The following ABLIM2 variants were observed in gnomAD, a reference collection of about 807,000 sequenced individuals.
The protein encoded by ABLIM2 is actin-binding LIM protein 2.
Under a neutral mutation model 97.7 loss-of-function variants are expected in ABLIM2, and 53 were observed. That is an observed-to-expected ratio of 0.54 (90% CI 0.44 to 0.68). ABLIM2 has a LOEUF of 0.68. Ranked by LOEUF, ABLIM2 falls within the 30% of genes least tolerant of loss-of-function variation. The pLI, the probability that ABLIM2 is intolerant of heterozygous loss-of-function variation, is 0.00. For missense variants in ABLIM2, 835 were observed against 867.2 expected (o/e 0.96, Z 0.47); for synonymous variants, 361 against 345.8 (o/e 1.04, Z -0.49).
Position 8,003,724 on chromosome 4 carries a change from C to A in ABLIM2, c.1618+4335G>T, listed in dbSNP as rs1249395198. Among the ~76,000 whole-genome samples the A allele has an allele frequency of 6.6e-6, 1 of 152,066 alleles. No individual in the cohort carries two copies. Among genetic ancestry groups the A allele is most frequent in the African/African-American group, 2.4e-5 (1 of 41,414 alleles). On this transcript the variant is annotated intron_variant, in intron 16 of 20. Coordinates refer to ENST00000447017, the MANE Select transcript of ABLIM2 (RefSeq NM_001130083.2). This position sits in a 1 kb window ranked among gnomAD's most constrained non-coding sequence, Gnocchi z 4.2. ...GAGATTACAGGTATCCTCCACCATGCCTGGCTGATTTTTTGTGTTTAGTAG... is the reference window on the plus strand; with the variant it reads ...GAGATTACAGGTATCCTCCACCATGACTGGCTGATTTTTTGTGTTTAGTAG...
chr4:7,989,046 A>G (rs1425484723), intron 17 of ABLIM2, among the ~76,000 whole-genome samples: 2 of 131,590 alleles, frequency 1.5e-5, no homozygotes, highest in Non-Finnish European at 3.3e-5. Context: ...TGTACATTTA[A>G]TTTTTTGTTC....
rs988823774 is a variant in ABLIM2, at chr4:8,132,208, C to A, written c.11-25571G>T. Among the ~76,000 whole-genome samples, 2 of 152,058 alleles carry A rather than the reference C, an allele frequency of 1.3e-5. No homozygotes were observed. Among genetic ancestry groups the A allele is most frequent in the Admixed American group, 1.3e-4 (2 of 15,280 alleles). ...TCACCCCCCTGCTCACTCATGCTCA[C>A]CCCCTCCCCTGCACAGAACCCCTCA... On this transcript the variant is annotated intron_variant, in intron 1 of 20. Transcript: ENST00000447017. The surrounding 1 kb of genome is among the most constrained non-coding windows in gnomAD (Gnocchi z 8.0).
At chr4:8,096,388 G>T (rs189546093) in intron 3 of ABLIM2, among the ~76,000 whole-genome samples, 25 of 152,212 alleles carry the variant, frequency 1.6e-4, no homozygotes, top group Admixed American at 9.2e-4. Flanking sequence ...TCTAAGCCAC[G>T]TACACAAAAA....
At chr4:8,152,351 C>T (rs1042812545) in intron 1 of ABLIM2, among the ~76,000 whole-genome samples, 8 of 151,558 alleles carry the variant, frequency 5.3e-5, no homozygotes, top group African/African-American at 9.7e-5. Flanking sequence ...AGGCACCAGA[C>T]GGGACTCGCA....
rs1029057681 is a variant in ABLIM2, at chr4:8,112,693, TC to T, written c.11-6057del. On this transcript the variant is annotated intron_variant, in intron 1 of 20. Transcript: ENST00000447017. This position sits in a 1 kb window ranked among gnomAD's most constrained non-coding sequence, Gnocchi z 4.2. ...ACCACAGTGAACACAACAGCCACGG[TC>T]CCAGCCCTCGACATTCTCTTGTTTG... 1.8e-4 allele frequency among the ~76,000 whole-genome samples: 27 copies of T among 152,090 alleles called. No individual in the cohort carries two copies. Among genetic ancestry groups the T allele is most frequent in the African/African-American group, 6.0e-4 (25 of 41,402 alleles).
chr4:8,138,433 CA>C (rs1260212895), intron 1 of ABLIM2, among the ~76,000 whole-genome samples: 2 of 152,046 alleles, frequency 1.3e-5, no homozygotes, highest in Admixed American at 1.3e-4. Flanking sequence ...GCAAAAAGAC[CA>C]AAGCTGGAGG....
At chr4:8,017,585 G>A (rs1770372803) in intron 14 of ABLIM2, among the ~76,000 whole-genome samples, 1 of 152,120 alleles carries the variant, frequency 6.6e-6, no homozygotes, top group Non-Finnish European at 1.5e-5. Context: ...ACCACACCCG[G>A]CTTACAGCAA....
Position 8,083,652 on chromosome 4 carries a change from G to A in ABLIM2, c.455-2850C>T, listed in dbSNP as rs571596333. 9.8e-5 allele frequency among the ~76,000 whole-genome samples: 15 copies of A among 152,300 alleles called. No homozygotes were observed. The highest frequency in any genetic ancestry group is 3.1e-4 in the African/African-American group (13 of 41,562). Reference sequence around the variant, plus strand: ...ACATCCTCACTTTCTAAACACATCCGGAGCTCCACATTGCTTTGCGGGCTC... The same window carrying A: ...ACATCCTCACTTTCTAAACACATCCAGAGCTCCACATTGCTTTGCGGGCTC... On this transcript the variant is annotated intron_variant, in intron 4 of 20. Transcript: ENST00000447017. This position sits in a 1 kb window ranked among gnomAD's most constrained non-coding sequence, Gnocchi z 4.6.
At chr4:8,008,413 G>T (rs1158621968) in intron 15 of ABLIM2, among the ~76,000 whole-genome samples, 1 of 152,216 alleles carries the variant, frequency 6.6e-6, no homozygotes, top group East Asian at 1.9e-4. Flanking sequence ...AGCATCTGGG[G>T]GAAACGGAGC....
intron 14 of ABLIM2, chr4:8,010,732 A>C (rs1764367064): frequency 2.4e-6 from 1 of 413,590 alleles, no homozygotes; most frequent in Non-Finnish European, 3.3e-6. Context: ...CCTGCTCAAG[A>C]AGCGCTTAAT....
At chr4:8,057,585 C>T (rs1800128056) in intron 7 of ABLIM2, among the ~76,000 whole-genome samples, 1 of 152,186 alleles carries the variant, frequency 6.6e-6, no homozygotes, top group South Asian at 2.1e-4. Flanking sequence ...TCCTTGACTT[C>T]TCACCAACAT....
rs1292696154 is a variant in ABLIM2 at position 7,992,649 on chromosome 4, A to C, written c.1680+217T>G. 1.3e-5 allele frequency among the ~76,000 whole-genome samples: 2 copies of C among 152,084 alleles called. No homozygotes were observed. Among genetic ancestry groups the C allele is most frequent in the East Asian group, 3.9e-4 (2 of 5,182 alleles). On this transcript the variant is annotated intron_variant, in intron 17 of 20. Transcript: ENST00000447017. The surrounding 1 kb of genome is among the most constrained non-coding windows in gnomAD (Gnocchi z 5.7). Reference sequence around the variant, plus strand: ...TCCCTGGGGTCGGGGGCAGGGAGGCAGAGTGGGGAGGGTGTTGCCCAGGTC... The same window carrying C: ...TCCCTGGGGTCGGGGGCAGGGAGGCCGAGTGGGGAGGGTGTTGCCCAGGTC...
intron 6 of ABLIM2, among the ~76,000 whole-genome samples, chr4:8,064,057 C>T (rs1805286835): frequency 6.6e-6 from 1 of 152,188 alleles, no homozygotes; most frequent in Admixed American, 6.5e-5. Context: ...CGATCCTAGC[C>T]AATAGAGGAA....
rs1169451580 is a variant in ABLIM2 at position 8,149,695 on chromosome 4, C to T, written c.10+8985G>A. Reference sequence around the variant, plus strand: ...ACATAGTAGGTGCTTAATAAATAGTCGTGGAGGGACAGAAGGGACATTCTG... The same window carrying T: ...ACATAGTAGGTGCTTAATAAATAGTTGTGGAGGGACAGAAGGGACATTCTG... On this transcript the variant is annotated intron_variant, in intron 1 of 20. Transcript: ENST00000447017. This position sits in a 1 kb window ranked among gnomAD's most constrained non-coding sequence, Gnocchi z 6.4. 6.6e-6 allele frequency among the ~76,000 whole-genome samples: 1 copy of T among 151,938 alleles called. No homozygotes were observed. Among genetic ancestry groups the T allele is most frequent in the Non-Finnish European group, 1.5e-5 (1 of 67,988 alleles).
rs369165004 is a variant in ABLIM2 at position 7,971,852 on chromosome 4, T to C, written c.1825-4749A>G. Among the ~76,000 whole-genome samples, 938 of 152,240 alleles carry C rather than the reference T, an allele frequency of 6.2e-3. 4 individuals are homozygous for C. Among genetic ancestry groups the C allele is most frequent in the African/African-American group, 0.021 (890 of 41,550 alleles). On this transcript the variant is annotated intron_variant, in intron 20 of 20. Transcript: ENST00000447017. ...AGCCCACCAGTCACAGCCACCCCTC[T>C]GTACCAGCACAGGGCTGGCTGACCG...
At chr4:8,152,882 C>A (rs1397681016) in intron 1 of ABLIM2, among the ~76,000 whole-genome samples, 1 of 152,160 alleles carries the variant, frequency 6.6e-6, no homozygotes. Flanking sequence ...ACACAGAGGT[C>A]TTATCTTTGA....
At position 8,127,506 on chromosome 4, in the gene ABLIM2, CA is replaced by C. The variant is rs905011342; in HGVS notation, c.11-20870del. The stretch of plus-strand genomic sequence containing the variant: ...GCTGACTCATGGAGCTCACGGCTCC[CA>C]GCCGGATGGTCTGGGCAAAAGCGCA... On this transcript the variant is annotated intron_variant, in intron 1 of 20. Coordinates refer to ENST00000447017, the MANE Select transcript of ABLIM2 (RefSeq NM_001130083.2). The surrounding 1 kb of genome is among the most constrained non-coding windows in gnomAD (Gnocchi z 7.3). The C allele has an allele frequency of 2.7e-5, 35 of 1,289,604 alleles. No homozygotes were observed. The highest frequency in any genetic ancestry group is 4.6e-5 in the Admixed American group (2 of 43,542). 79.9% of individuals were successfully genotyped at this position (1,289,604 alleles called of 1,614,324 possible). A position where few individuals can be genotyped will look rare whatever the true frequency, so the allele number is the denominator to read the frequency against.
In ABLIM2 at chr4:8,057,320, G is replaced by A. The variant is rs189385453; in HGVS notation, c.764-3074C>T. Among the ~76,000 whole-genome samples, 94 of 152,100 alleles carry A rather than the reference G, an allele frequency of 6.2e-4. 1 individual carries two copies. Among genetic ancestry groups the A allele is most frequent in the African/African-American group, 2.1e-3 (87 of 41,500 alleles). ...AGGCTGGTCTTGAACTTCCGACTTC[G>A]GGTGATCCATCCACCTCTGCCTCCC... On this transcript the variant is annotated intron_variant, in intron 7 of 20. Coordinates refer to ENST00000447017, the MANE Select transcript of ABLIM2 (RefSeq NM_001130083.2).
chr4:8,089,867 TA>T (rs1412636532), intron 3 of ABLIM2, among the ~76,000 whole-genome samples: 2 of 151,920 alleles, frequency 1.3e-5, no homozygotes, highest in East Asian at 1.9e-4. Flanking sequence ...GAAGCTCTCC[TA>T]GGGGGCCACG....
Sources: allele counts gnomAD v4.1 joint callset (sites outside exome capture counted in the v4.1 genomes callset), GRCh38; gene constraint gnomAD v4.1.1; non-coding constraint Gnocchi (gnomAD v3.1); transcripts MANE v1.5; gene names NCBI Gene and HGNC (gene_info 2026-07-23, HGNC 2026-07-21).